MARCO: variants seen among roughly 807,000 people sequenced by gnomAD.
MARCO encodes the protein macrophage receptor with collagenous structure, also known as macrophage receptor MARCO.
In MARCO, 72 loss-of-function variants were observed where a neutral mutation model predicts 70.0. That is an observed-to-expected ratio of 1.03 (90% CI 0.85 to 1.25). The LOEUF is 1.25. Ranked by LOEUF, MARCO falls within the 50% of genes most tolerant of loss-of-function variation. MARCO has a pLI of 0.00. For synonymous variants in MARCO, 273 were observed against 243.1 expected (o/e 1.12, Z -1.14); for missense variants, 696 against 659.3 (o/e 1.06, Z -0.61).
At chr2:118,972,738 G>A (rs937243185) in intron 4 of MARCO, among the ~76,000 whole-genome samples, 3 of 152,206 alleles carry the variant, frequency 2.0e-5, no homozygotes, top group African/African-American at 7.2e-5. Flanking sequence ...GCTGCTGCTA[G>A]GAGAGCCTCC....
At chr2:118,945,996 TCA>T (rs1437536499) in intron 1 of MARCO, among the ~76,000 whole-genome samples, 16 of 152,198 alleles carry the variant, frequency 1.1e-4, no homozygotes, top group African/African-American at 3.9e-4. Flanking sequence ...TTATTTCATG[TCA>T]TTGTTCTGAC....
Position 118,942,423 on chromosome 2 carries a change from A to C in MARCO, c.97+26A>C, listed in dbSNP as rs755504367. 8 of 1,495,940 alleles carry C rather than the reference A, an allele frequency of 5.3e-6. No individual in the cohort carries two copies. In the South Asian group the frequency reaches 9.0e-5, roughly 17 times the overall value. The allele number at this position is 1,495,940 out of a possible 1,614,324, so 92.7% of individuals were successfully genotyped here. A position where few individuals can be genotyped will look rare whatever the true frequency, so the allele number is the denominator to read the frequency against. On this transcript the variant is annotated intron_variant, in intron 1 of 16. Transcript: ENST00000327097. Reference sequence around the variant, plus strand: ...GTAAAGTACGATTCCCCAATAATGGAAATGACCAGAAATGTAGTCTTTCTG... The same window carrying C: ...GTAAAGTACGATTCCCCAATAATGGCAATGACCAGAAATGTAGTCTTTCTG...
chr2:118,986,744 G>C lies in MARCO; in HGVS notation c.1064-3845G>C, dbSNP rs1258883372. Among the ~76,000 whole-genome samples the C allele has an allele frequency of 1.3e-5, 2 of 149,422 alleles. 1 individual carries two copies. The highest frequency in any genetic ancestry group is 3.9e-4 in the East Asian group (2 of 5,084). On this transcript the variant is annotated intron_variant, in intron 12 of 16. Coordinates refer to ENST00000327097, the MANE Select transcript of MARCO (RefSeq NM_006770.4). ...AAGAAAAGAAAGAAAGAAAGAGAAA[G>C]AAAGAGAAAGAAAGAAGAAAGAAAG...
chr2:118,982,140 A>T lies in MARCO; in HGVS notation c.902-16A>T, dbSNP rs1680404195. The stretch of plus-strand genomic sequence containing the variant: ...TGCCAACCACCACAGCCTGGCAGTC[A>T]CTACTTTCCTTTCAGGACAACCTGG... On this transcript the variant is annotated splice_polypyrimidine_tract_variant and intron_variant, in intron 10 of 16. Transcript: ENST00000327097. 7.0e-6 allele frequency: 11 copies of T among 1,573,324 alleles called. No individual in the cohort carries two copies. Among genetic ancestry groups the T allele is most frequent in the Non-Finnish European group, 9.6e-6 (11 of 1,149,158 alleles).
At chr2:118,955,049 GAA>G (rs34589569) in intron 1 of MARCO, among the ~76,000 whole-genome samples, 25 of 141,576 alleles carry the variant, frequency 1.8e-4, no homozygotes, top group South Asian at 6.6e-4. Context: ...GCCAAAAATA[GAA>G]AAAAAAAAAA....
At chr2:118,971,888 T>C (rs1227391195) in intron 4 of MARCO, among the ~76,000 whole-genome samples, 1 of 152,200 alleles carries the variant, frequency 6.6e-6, no homozygotes. Flanking sequence ...ACCACATACA[T>C]AGCACTTCCC....
intron 13 of MARCO, among the ~76,000 whole-genome samples, chr2:118,991,251 T>TG (rs1209689189): frequency 5.8e-4 from 57 of 97,806 alleles, no homozygotes; most frequent in Non-Finnish European, 6.2e-4. Flanking sequence ...TTATGTTTTA[T>TG]GGTTTTTTTT....
chr2:118,951,381 G>A (rs939026428), intron 1 of MARCO, among the ~76,000 whole-genome samples: 4 of 152,220 alleles, frequency 2.6e-5, no homozygotes, highest in East Asian at 1.9e-4. Flanking sequence ...CAGAATAGCC[G>A]CATACCTTAA....
At chr2:118,950,870 T>C (rs987694823) in intron 1 of MARCO, among the ~76,000 whole-genome samples, 4 of 152,170 alleles carry the variant, frequency 2.6e-5, no homozygotes, top group African/African-American at 9.6e-5. Flanking sequence ...TGGACTGGAC[T>C]GTTAAAGGCC....
chr2:118,971,635 G>C, intron 4 of MARCO, 101 bp downstream of exon 4: 2 of 1,170,496 alleles, frequency 1.7e-6, no homozygotes, highest in East Asian at 4.9e-5. Flanking sequence ...GCTGACCCTA[G>C]CTTACCTTCC....
intron 8 of MARCO, among the ~76,000 whole-genome samples, chr2:118,980,961 C>A (rs1159389457): frequency 1.3e-5 from 2 of 152,206 alleles, no homozygotes; most frequent in African/African-American, 4.8e-5. Flanking sequence ...GTCTGAAGTG[C>A]TGGCAGGAAT....
At position 118,942,259 on chromosome 2, in the gene MARCO, T is replaced by C. The variant is rs1214403855; in HGVS notation, c.-42T>C. Reference sequence around the variant, plus strand: ...AAGTGGTTCCTCTTGAGGGGAGCATTTCTGCTGGCTCCAGGACTTTGGCCA... The same window carrying C: ...AAGTGGTTCCTCTTGAGGGGAGCATCTCTGCTGGCTCCAGGACTTTGGCCA... On this transcript the variant is annotated 5_prime_UTR_variant, in exon 1 of 17. Coordinates refer to ENST00000327097, the MANE Select transcript of MARCO (RefSeq NM_006770.4). 2 of 1,389,166 alleles carry C rather than the reference T, an allele frequency of 1.4e-6. No homozygotes were observed. The highest frequency in any genetic ancestry group is 2.3e-5 in the South Asian group (2 of 86,140). The allele number at this position is 1,389,166 out of a possible 1,614,324, so 86.1% of individuals were successfully genotyped here.
intron 10 of MARCO, 81 bp downstream of exon 10, chr2:118,981,737 C>A: frequency 7.3e-7 from 1 of 1,376,752 alleles, no homozygotes; most frequent in Non-Finnish European, 1.0e-6. Flanking sequence ...ACACCACCAT[C>A]TTTTGCTTCA....
Position 118,967,737 on chromosome 2 carries a change from A to C in MARCO, c.98-1423A>C, listed in dbSNP as rs1268706855. ...GGTTGGAAGGAATATCAGCAGGGTA[A>C]ACACAGGAGCTGCAGGTGATAGGAA... is the stretch of plus-strand genomic sequence containing the variant. On this transcript the variant is annotated intron_variant, in intron 1 of 16. Transcript: ENST00000327097. 5.9e-5 allele frequency among the ~76,000 whole-genome samples: 9 copies of C among 152,282 alleles called. No individual in the cohort carries two copies. In the South Asian group the frequency reaches 1.9e-3, roughly 32 times the overall value.
intron 1 of MARCO, among the ~76,000 whole-genome samples, chr2:118,950,866 G>A (rs953530028): frequency 1.3e-5 from 2 of 152,034 alleles, no homozygotes; most frequent in East Asian, 1.9e-4. Flanking sequence ...TCTGTGGACT[G>A]GACTGTTAAA....
intron 1 of MARCO, among the ~76,000 whole-genome samples, chr2:118,960,563 T>G (rs915036469): frequency 6.6e-6 from 1 of 152,202 alleles, no homozygotes; most frequent in African/African-American, 2.4e-5. Context: ...GCACTAATTT[T>G]ATGGTTTTTC....
chr2:118,988,264 T>A (rs991256811), intron 12 of MARCO, among the ~76,000 whole-genome samples: 1 of 152,038 alleles, frequency 6.6e-6, no homozygotes, highest in Admixed American at 6.5e-5. Context: ...ATGGACCTGG[T>A]GAACAGGGGC....
chr2:118,942,847 T>C (rs1679531354), intron 1 of MARCO, among the ~76,000 whole-genome samples: 2 of 152,220 alleles, frequency 1.3e-5, no homozygotes, highest in Admixed American at 1.3e-4. Context: ...ATAACTGATG[T>C]GCTGGTCAGG....
In MARCO at chr2:118,954,512, G is replaced by A. The variant is rs550874744; in HGVS notation, c.97+12115G>A. On this transcript the variant is annotated intron_variant, in intron 1 of 16. Coordinates refer to ENST00000327097, the MANE Select transcript of MARCO (RefSeq NM_006770.4). ...CCTGGTGGCAGAAGACAAAAGACAT[G>A]TGATATTGGGAGTTCTAGGGCCACA... is the stretch of plus-strand genomic sequence containing the variant. Among the ~76,000 whole-genome samples, 505 of 152,308 alleles carry A rather than the reference G, an allele frequency of 3.3e-3. 3 individuals are homozygous for A. Among genetic ancestry groups the A allele is most frequent in the African/African-American group, 0.012 (481 of 41,556 alleles).
Sources: gnomAD v4.1 joint callset for allele counts (sites outside exome capture counted in the v4.1 genomes callset) on GRCh38, gnomAD v4.1.1 for gene constraint, MANE v1.5 for transcripts, NCBI Gene and HGNC (gene_info 2026-07-23, HGNC 2026-07-21) for gene names.